The following CEP83 variants were observed in gnomAD, a reference collection of about 807,000 sequenced individuals.
CEP83 encodes centrosomal protein of 83 kDa.
Under a neutral mutation model 101.9 loss-of-function variants are expected in CEP83, and 70 were observed. That is an observed-to-expected ratio of 0.69 (90% CI 0.57 to 0.84). The LOEUF is 0.84. Among genes scored for constraint, CEP83 ranks in the 40% least tolerant of loss-of-function variants. The pLI, the probability that CEP83 is intolerant of heterozygous loss-of-function variation, is 0.00. For missense variants in CEP83, 715 were observed against 787.2 expected (o/e 0.91, Z 1.10); for synonymous variants, 264 against 267.9 (o/e 0.99, Z 0.14).
At chr12:94,371,640 G>A (rs2061314702) in intron 8 of CEP83, among the ~76,000 whole-genome samples, 1 of 151,920 alleles carries the variant, frequency 6.6e-6, no homozygotes, top group Non-Finnish European at 1.5e-5. Flanking sequence ...GGCAGAAACA[G>A]GAAAATAAAA....
At chr12:94,273,937 C>G in the CEP83 span, among the ~76,000 whole-genome samples, 5 of 151,994 alleles carry the variant, frequency 3.3e-5, no homozygotes, top group Non-Finnish European at 5.9e-5. Context: ...CAGAGCTCTG[C>G]GTCACCATCT....
chr12:94,426,198 A>G (rs1334452233), intron 2 of CEP83, among the ~76,000 whole-genome samples: 9 of 151,982 alleles, frequency 5.9e-5, no homozygotes, highest in Admixed American at 5.9e-4. Flanking sequence ...TCCTGAGCAC[A>G]TACTGCTGTT....
intron 14 of CEP83, among the ~76,000 whole-genome samples, chr12:94,325,499 C>T (rs1230297600): frequency 6.6e-6 from 1 of 152,288 alleles, no homozygotes; most frequent in East Asian, 1.9e-4. Flanking sequence ...CCTCTTAGTA[C>T]TCACCTCCAC....
intron 6 of CEP83, among the ~76,000 whole-genome samples, chr12:94,387,987 C>T (rs1468215083): frequency 3.9e-5 from 6 of 152,094 alleles, no homozygotes; most frequent in South Asian, 2.1e-4. Flanking sequence ...TTGATGGCTA[C>T]GTAAATTAGT....
intron 11 of CEP83, among the ~76,000 whole-genome samples, chr12:94,353,735 A>G (rs200876933): frequency 0.1 from 15,048 of 150,744 alleles, 895 homozygotes; most frequent in Non-Finnish European, 0.13. Context: ...AGTGGGGGAA[A>G]AAAAAAAAAA....
the CEP83 span, among the ~76,000 whole-genome samples, chr12:94,278,372 T>C: frequency 1.8e-4 from 27 of 152,360 alleles, no homozygotes; most frequent in East Asian, 2.3e-3. Flanking sequence ...GGTAAAACTT[T>C]GTTGTTTTAG....
At chr12:94,436,652 G>A (rs2066008040) in intron 1 of CEP83, among the ~76,000 whole-genome samples, 1 of 151,950 alleles carries the variant, frequency 6.6e-6, no homozygotes, top group Non-Finnish European at 1.5e-5. Flanking sequence ...CTAACATGGT[G>A]AAATCCCATC....
intron 8 of CEP83, among the ~76,000 whole-genome samples, chr12:94,374,355 T>C (rs954965361): frequency 3.3e-5 from 5 of 152,172 alleles, no homozygotes; most frequent in African/African-American, 1.2e-4. Flanking sequence ...ATTCCAGCAG[T>C]GTAGTCTGGC....
intron 11 of CEP83, among the ~76,000 whole-genome samples, chr12:94,342,623 A>C (rs929686686): frequency 2.0e-5 from 3 of 152,192 alleles, no homozygotes; most frequent in Non-Finnish European, 4.4e-5. Context: ...TAATTTATTA[A>C]AATTTGGCCC....
At chr12:94,356,238 G>C (rs1428738544) in intron 11 of CEP83, among the ~76,000 whole-genome samples, 3 of 152,196 alleles carry the variant, frequency 2.0e-5, no homozygotes, top group African/African-American at 7.2e-5. Context: ...GATAGGTATG[G>C]GGTCTGGTTC....
chr12:94,339,282 C>T (rs2059581172), intron 11 of CEP83, among the ~76,000 whole-genome samples: 1 of 152,100 alleles, frequency 6.6e-6, no homozygotes, highest in Non-Finnish European at 1.5e-5. Flanking sequence ...ACATGCTAAG[C>T]CCATTCTAAG....
chr12:94,367,016 T>C (rs2061058494), intron 11 of CEP83, among the ~76,000 whole-genome samples: 1 of 152,092 alleles, frequency 6.6e-6, no homozygotes, highest in Non-Finnish European at 1.5e-5. Flanking sequence ...TAAATATATT[T>C]AGAGGAGAAG....
At chr12:94,280,447 C>A in the CEP83 span, among the ~76,000 whole-genome samples, 1 of 152,208 alleles carries the variant, frequency 6.6e-6, no homozygotes, top group African/African-American at 2.4e-5. Context: ...TCCTCCCACT[C>A]GGCCCTCCCA....
chr12:94,445,635 G>T (rs2066743922), intron 1 of CEP83, among the ~76,000 whole-genome samples: 1 of 152,134 alleles, frequency 6.6e-6, no homozygotes, highest in Non-Finnish European at 1.5e-5. Flanking sequence ...AAAACTAAAT[G>T]ATAGGAAAAT....
At chr12:94,282,272 A>G in the CEP83 span, 2 of 1,543,980 alleles carry the variant, frequency 1.3e-6, no homozygotes, top group Non-Finnish European at 1.8e-6. Context: ...AAACTCTCTA[A>G]AAAGGAACAA....
At chr12:94,322,522 G>T (rs993548195) in intron 14 of CEP83, among the ~76,000 whole-genome samples, 4 of 152,222 alleles carry the variant, frequency 2.6e-5, no homozygotes, top group African/African-American at 7.2e-5. Flanking sequence ...AAAGAGATAA[G>T]GCTGCAAAAC....
chr12:94,316,709 G>T (rs963223605), intron 14 of CEP83, among the ~76,000 whole-genome samples: 1 of 152,066 alleles, frequency 6.6e-6, no homozygotes. Flanking sequence ...GTTTGCTAAG[G>T]ATAATGGCCT....
rs755634633 is a variant in CEP83, at chr12:94,403,335, C to CAGGA, written c.325-74_325-73insTCCT. 12 of 711,486 alleles carry CAGGA rather than the reference C, an allele frequency of 1.7e-5. No homozygotes were observed. In the African/African-American group the frequency reaches 1.8e-4, roughly 11 times the overall value. 44.1% of individuals were successfully genotyped at this position (711,486 alleles called of 1,614,324 possible). ...GAATTCTCCATATTTCAAAGCCTCT[C>CAGGA]TCCTAATTATGACAATGGAATTCAT... On this transcript the variant is annotated intron_variant, in intron 4 of 16. Transcript: ENST00000397809.
chr12:94,349,292 A>G (rs2060094670), intron 11 of CEP83, among the ~76,000 whole-genome samples: 1 of 151,776 alleles, frequency 6.6e-6, no homozygotes. Context: ...TCTCAAAAAA[A>G]AAAAAAAAAA....
Sources: gnomAD v4.1 joint callset for allele counts (sites outside exome capture counted in the v4.1 genomes callset) on GRCh38, gnomAD v4.1.1 for gene constraint, MANE v1.5 for transcripts, NCBI Gene and HGNC (gene_info 2026-07-23, HGNC 2026-07-21) for gene names.